The following ATP1A1 variants were observed in gnomAD, a reference collection of about 807,000 sequenced individuals.
The protein encoded by ATP1A1 is ATPase Na+/K+ transporting subunit alpha 1, also known as sodium/potassium-transporting ATPase subunit alpha-1.
Under a neutral mutation model 114.8 loss-of-function variants are expected in ATP1A1, and 14 were observed. That is an observed-to-expected ratio of 0.12 (90% confidence interval 0.08 to 0.19). The LOEUF (loss-of-function observed/expected upper bound fraction) is 0.19, where lower values mean the gene tolerates loss of function less well. Ranked by LOEUF, ATP1A1 falls within the 10% of genes least tolerant of loss-of-function variation. The probability of loss-of-function intolerance (pLI) is 1.00; values close to 1 mark genes in which losing one functional copy is unlikely to be tolerated. For synonymous variants in ATP1A1, 471 were observed against 466.3 expected (o/e 1.01, Z -0.13); for missense variants, 524 against 1,290.7 (o/e 0.41, Z 9.10).
Position 116,374,023 on chromosome 1 carries a change from CT to C in ATP1A1, c.12+501del, listed in dbSNP as rs11289194. On this transcript the variant is annotated intron_variant, in intron 1 of 22. Transcript: ENST00000295598. ...TTCCCCTGGGGCGCTCCGCCGGGGC[CT>C]CCTCCCGGGCCTCCGTTCCCGCCGC... The C allele has an allele frequency of 0.89, 1,258,307 of 1,409,236 alleles. 562,564 individuals are homozygous for C. Among genetic ancestry groups the C allele is most frequent in the East Asian group, 0.99 (37,463 of 37,878 alleles). 87.3% of individuals were successfully genotyped at this position (1,409,236 alleles called of 1,614,324 possible).
rs1652288696 is a variant in ATP1A1, at chr1:116,389,214, C to T, written c.754+195C>T. The stretch of plus-strand genomic sequence containing the variant: ...CCTTCCCTCCACCTCCACCCTGCCT[C>T]TTCTGTCAACAACACCAGTCTGGCA... On this transcript the variant is annotated intron_variant, in intron 7 of 22. Coordinates refer to ENST00000295598, the MANE Select transcript of ATP1A1 (RefSeq NM_000701.8). The surrounding 1 kb of genome is among the most constrained non-coding windows in gnomAD (Gnocchi z 6.9). Among the ~76,000 whole-genome samples the T allele has an allele frequency of 6.6e-6, 1 of 152,172 alleles. No individual in the cohort carries two copies. Among genetic ancestry groups the T allele is most frequent in the Non-Finnish European group, 1.5e-5 (1 of 68,038 alleles).
Position 116,399,405 on chromosome 1 carries a change from C to T in ATP1A1, c.2449-15C>T. The T allele has an allele frequency of 1.9e-6, 3 of 1,613,258 alleles. No individual in the cohort carries two copies. The highest frequency in any genetic ancestry group is 2.5e-6 in the Non-Finnish European group (3 of 1,179,646). On this transcript the variant is annotated splice_polypyrimidine_tract_variant and intron_variant, in intron 17 of 22. Coordinates refer to ENST00000295598, the MANE Select transcript of ATP1A1 (RefSeq NM_000701.8). The surrounding 1 kb of genome is among the most constrained non-coding windows in gnomAD (Gnocchi z 5.0). ...ATTTTTAGTAACTAAATTCCTTCTC[C>T]CCACCCCTTCCCAGGTTCCTGCCAT... is the stretch of plus-strand genomic sequence containing the variant.
At chr1:116,376,354 G>C (rs866142101) in intron 1 of ATP1A1, among the ~76,000 whole-genome samples, 15 of 152,232 alleles carry the variant, frequency 9.9e-5, no homozygotes, top group African/African-American at 3.6e-4. Context: ...TTGGAGCTCA[G>C]CTTGAAAGTG....
In ATP1A1 at chr1:116,401,503, T is replaced by C. The variant is rs1421898326; in HGVS notation, c.2850-51T>C. On this transcript the variant is annotated intron_variant, in intron 20 of 22. Coordinates refer to ENST00000295598, the MANE Select transcript of ATP1A1 (RefSeq NM_000701.8). The surrounding 1 kb of genome is among the most constrained non-coding windows in gnomAD (Gnocchi z 4.7). ...CATTTTAATGCATAGCATTAGAAGA[T>C]AAACCTTTATTTGCACCTTTTAAGT... is the stretch of plus-strand genomic sequence containing the variant. The C allele has an allele frequency of 3.2e-6, 5 of 1,577,334 alleles. No individual in the cohort carries two copies. The highest frequency in any genetic ancestry group is 2.7e-5 in the African/African-American group (2 of 74,028).
Position 116,388,314 on chromosome 1 carries a change from G to C in ATP1A1, c.501+70G>C, listed in dbSNP as rs188719667. On this transcript the variant is annotated intron_variant, in intron 5 of 22. Coordinates refer to ENST00000295598, the MANE Select transcript of ATP1A1 (RefSeq NM_000701.8). The surrounding 1 kb of genome is among the most constrained non-coding windows in gnomAD (Gnocchi z 5.6). ...CAAGCATGTCAGCCTGTGAATTAGTGTGAAGTTAAGGTTTTCCAAGTATTA... is the reference window on the plus strand; with the variant it reads ...CAAGCATGTCAGCCTGTGAATTAGTCTGAAGTTAAGGTTTTCCAAGTATTA... 4 of 1,321,324 alleles carry C rather than the reference G, an allele frequency of 3.0e-6. No homozygotes were observed. The Admixed American group carries it at 5.3e-5, about 18-fold the overall frequency. 81.8% of individuals were successfully genotyped at this position (1,321,324 alleles called of 1,614,324 possible).
At chr1:116,392,821 G>A in intron 10 of ATP1A1, 33 bp from the exon 11 acceptor site, 1 of 1,579,388 alleles carries the variant, frequency 6.3e-7, no homozygotes, top group East Asian at 2.3e-5. Context: ...AAATTTTTTG[G>A]AGATAATTTA....
intron 1 of ATP1A1, chr1:116,374,251 T>G: frequency 6.4e-7 from 1 of 1,551,732 alleles, no homozygotes; most frequent in Non-Finnish European, 8.7e-7. Flanking sequence ...GGTATACTTT[T>G]GAGGGCTTTC....
At chr1:116,386,126 C>CAAAAAAAAAAA (rs59480092) in intron 3 of ATP1A1, 2 of 36,122 alleles carry the variant, frequency 5.5e-5, no homozygotes, top group Non-Finnish European at 1.0e-4. Flanking sequence ...AACTCCATCT[C>CAAAAAAAAAAA]AAAAAAAAAA....
intron 1 of ATP1A1, among the ~76,000 whole-genome samples, chr1:116,382,020 C>T (rs1651776924): frequency 6.6e-6 from 1 of 152,042 alleles, no homozygotes; most frequent in Non-Finnish European, 1.5e-5. Flanking sequence ...ACTAAAAATA[C>T]AAAAATTAGC....
At chr1:116,374,301 A>G in intron 1 of ATP1A1, 3 of 1,551,344 alleles carry the variant, frequency 1.9e-6, no homozygotes, top group Non-Finnish European at 2.6e-6. Context: ...ACCGATGGCA[A>G]CTGGAGTTGT....
chr1:116,387,212 G>A lies in ATP1A1; in HGVS notation c.184-76G>A, dbSNP rs1418363674. The A allele has an allele frequency of 1.3e-5, 20 of 1,532,400 alleles. No homozygotes were observed. Among genetic ancestry groups the A allele is most frequent in the African/African-American group, 2.7e-5 (2 of 73,206 alleles). 94.9% of individuals were successfully genotyped at this position (1,532,400 alleles called of 1,614,324 possible). A position where few individuals can be genotyped will look rare whatever the true frequency, so the allele number is the denominator to read the frequency against. ...TCTTCCTTAAATCCTTATTGCAACCGTCCAGCTACCAGGTAGGTATATTGC... is the reference window on the plus strand; with the variant it reads ...TCTTCCTTAAATCCTTATTGCAACCATCCAGCTACCAGGTAGGTATATTGC... On this transcript the variant is annotated intron_variant, in intron 3 of 22. Coordinates refer to ENST00000295598, the MANE Select transcript of ATP1A1 (RefSeq NM_000701.8). This position sits in a 1 kb window ranked among gnomAD's most constrained non-coding sequence, Gnocchi z 6.7.
intron 12 of ATP1A1, among the ~76,000 whole-genome samples, chr1:116,394,195 C>T (rs1336439870): frequency 3.9e-5 from 6 of 152,148 alleles, no homozygotes; most frequent in African/African-American, 1.4e-4. Context: ...ACTAGACTAA[C>T]GGTAAACTTT....
At chr1:116,373,719 G>T in intron 1 of ATP1A1, 196 bp downstream of exon 1, 1 of 824,584 alleles carries the variant, frequency 1.2e-6, no homozygotes, top group Admixed American at 6.1e-5. Flanking sequence ...GGGGGCGGGG[G>T]AAGGGAGCGC....
chr1:116,395,521 T>C lies in ATP1A1; in HGVS notation c.1836+236T>C, dbSNP rs970894872. 2.0e-5 allele frequency among the ~76,000 whole-genome samples: 3 copies of C among 151,956 alleles called. No individual in the cohort carries two copies. The highest frequency in any genetic ancestry group is 7.2e-5 in the African/African-American group (3 of 41,574). The stretch of plus-strand genomic sequence containing the variant: ...AAAGCAATTGTGTAAAAAAGAAATG[T>C]AAGCAAAGTAAAAACAGCAAAAGAC... On this transcript the variant is annotated intron_variant, in intron 13 of 22. Transcript: ENST00000295598. This position sits in a 1 kb window ranked among gnomAD's most constrained non-coding sequence, Gnocchi z 6.4.
rs1172639921 is a variant in ATP1A1 at position 116,388,958 on chromosome 1, C to T, written c.693C>T (p.Phe231=). The T allele has an allele frequency of 6.2e-7, 1 of 1,614,200 alleles. No homozygotes were observed. Among genetic ancestry groups the T allele is most frequent in the South Asian group, 1.1e-5 (1 of 91,084 alleles). Residue 231 remains phenylalanine, a synonymous_variant, in exon 7 of 23, where the codon TTC becomes TTT. Transcript: ENST00000295598. The surrounding 1 kb of genome is among the most constrained non-coding windows in gnomAD (Gnocchi z 5.6). ...AACCCCAGACTAGGTCTCCAGATTT[C>T]ACAAATGAAAACCCCCTGGAGACGA... ...ESEPQTRSPD[F]TNENPLETRN...
Position 116,395,139 on chromosome 1 carries a change from C to G in ATP1A1, c.1690C>G (p.Gln564Glu). Residue 564 changes from glutamine (Q) to glutamate (E), a missense_variant, in exon 13 of 23, where the codon CAG becomes GAG. Gln to Glu is a conservative substitution (Grantham distance 29, BLOSUM62 2). This residue lies in a region of ATP1A1 where 143 missense variants were observed against 259.3 expected (regional missense o/e 0.55). Transcript: ENST00000295598. This position sits in a 1 kb window ranked among gnomAD's most constrained non-coding sequence, Gnocchi z 6.4. Reference sequence around the variant, plus strand: ...CTGCCACCTCTTTCTGCCAGATGAACAGTTTCCTGAAGGGTTCCAGTTTGA... The same window carrying G: ...CTGCCACCTCTTTCTGCCAGATGAAGAGTTTCCTGAAGGGTTCCAGTTTGA... ...GFCHLFLPDE[Q>E]FPEGFQFDTD... is the part of the protein sequence containing the mutation. 3 of 1,613,976 alleles carry G rather than the reference C, an allele frequency of 1.9e-6. No homozygotes were observed. The highest frequency in any genetic ancestry group is 1.6e-4 in the Middle Eastern group (1 of 6,062).
rs902224022 is a variant in ATP1A1, at chr1:116,387,965, C to T, written c.388-166C>T. On this transcript the variant is annotated intron_variant, in intron 4 of 22. Coordinates refer to ENST00000295598, the MANE Select transcript of ATP1A1 (RefSeq NM_000701.8). The surrounding 1 kb of genome is among the most constrained non-coding windows in gnomAD (Gnocchi z 6.7). ...GGTGTGCCTGACTCCATTTCTGACC[C>T]TTCCTGTGTGGTCTTTAGAAGGATA... 3.1e-4 allele frequency among the ~76,000 whole-genome samples: 47 copies of T among 152,206 alleles called. No homozygotes were observed. The highest frequency in any genetic ancestry group is 1.1e-3 in the African/African-American group (47 of 41,444).
chr1:116,399,555 C>T lies in ATP1A1; in HGVS notation c.2572+12C>T, dbSNP rs752064129. 1 of 1,613,622 alleles carries T rather than the reference C, an allele frequency of 6.2e-7. No homozygotes were observed. The highest frequency in any genetic ancestry group is 1.1e-5 in the South Asian group (1 of 90,986). On this transcript the variant is annotated intron_variant, in intron 18 of 22. Transcript: ENST00000295598. This position sits in a 1 kb window ranked among gnomAD's most constrained non-coding sequence, Gnocchi z 5.0. ...CTATGGGCAGATTGGTAAGCTGCAG[C>T]CTGGAGTGGGAAGCTGGCACATCTA...
Position 116,388,415 on chromosome 1 carries a change from A to T in ATP1A1, c.501+171A>T. On this transcript the variant is annotated intron_variant, in intron 5 of 22. Transcript: ENST00000295598. This position sits in a 1 kb window ranked among gnomAD's most constrained non-coding sequence, Gnocchi z 5.6. The stretch of plus-strand genomic sequence containing the variant: ...ATTTTCCTTCTATCCAAAAAGTGGT[A>T]GCCTTTCTTTTGAATGTAAACTCTG... 1.0e-6 allele frequency: 1 copy of T among 956,724 alleles called. No individual in the cohort carries two copies. The highest frequency in any genetic ancestry group is 1.5e-6 in the Non-Finnish European group (1 of 650,218). The allele number at this position is 956,724 out of a possible 1,614,324, so 59.3% of individuals were successfully genotyped here.
Sources: allele counts gnomAD v4.1 joint callset (sites outside exome capture counted in the v4.1 genomes callset), GRCh38; gene constraint gnomAD v4.1.1; regional missense constraint gnomAD v4.1.1; non-coding constraint Gnocchi (gnomAD v3.1); transcripts MANE v1.5; gene names NCBI Gene and HGNC (gene_info 2026-07-23, HGNC 2026-07-21).